The following AAMDC variants were observed in gnomAD, a reference collection of about 807,000 sequenced individuals.
The protein encoded by AAMDC is adipogenesis associated Mth938 domain containing.
AAMDC carries 16 observed loss-of-function variants against 15.5 expected under a neutral mutation model. The ratio of observed to expected loss-of-function variants is 1.03; its 90% CI spans 0.70 to 1.57. AAMDC has a LOEUF of 1.57. AAMDC is among the 40% of genes most tolerant of loss of function. AAMDC has a pLI of 0.00. For synonymous variants in AAMDC, 51 were observed against 51.6 expected, an observed-to-expected ratio of 0.99 and a Z score of 0.05; for missense variants, 141 against 144.9, an observed-to-expected ratio of 0.97 and a Z score of 0.14.
chr11:77,862,541 T>A (rs1950927038), intron 2 of AAMDC, among the ~76,000 whole-genome samples: 1 of 152,190 alleles, frequency 6.6e-6, no homozygotes, highest in East Asian at 1.9e-4. Context: ...GGTTCATTGT[T>A]TACCCCTTTG....
In AAMDC at chr11:77,837,432, G is replaced by A. The variant is rs540136345; in HGVS notation, c.-18-5047G>A. 7.6e-5 allele frequency among the ~76,000 whole-genome samples: 11 copies of A among 145,382 alleles called. 1 individual carries two copies. In the South Asian group the frequency reaches 2.0e-3, roughly 26 times the overall value. Reference sequence around the variant, plus strand: ...ATCACAGATGTAAGCCACTGCGCCCGTCCCTTTGGTTTTTGTTTGTTTGTT... The same window carrying A: ...ATCACAGATGTAAGCCACTGCGCCCATCCCTTTGGTTTTTGTTTGTTTGTT... On this transcript the variant is annotated intron_variant, in intron 1 of 3. Transcript: ENST00000393427.
At chr11:77,832,474 G>A (rs948929083) in intron 1 of AAMDC, among the ~76,000 whole-genome samples, 1 of 151,902 alleles carries the variant, frequency 6.6e-6, no homozygotes, top group Non-Finnish European at 1.5e-5. Flanking sequence ...TTACAGGCAT[G>A]CGCCACCATG....
downstream of AAMDC, among the ~76,000 whole-genome samples, chr11:77,904,158 A>ATC (rs1183867915): frequency 1.3e-4 from 20 of 152,094 alleles, no homozygotes; most frequent in Non-Finnish European, 2.1e-4. Flanking sequence ...TTTACCTTCC[A>ATC]TCTCTCTCCT....
intron 5 of AAMDC, among the ~76,000 whole-genome samples, chr11:77,893,050 G>A (rs1952346157): frequency 6.6e-6 from 1 of 152,160 alleles, no homozygotes; most frequent in Non-Finnish European, 1.5e-5. Flanking sequence ...TGAGGGCAGG[G>A]ACAATGAGCG....
chr11:77,861,579 C>T (rs557232557), intron 2 of AAMDC, among the ~76,000 whole-genome samples: 22 of 152,322 alleles, frequency 1.4e-4, no homozygotes, highest in African/African-American at 3.9e-4. Context: ...AGAGGACCTT[C>T]GTCCCCTGGG....
chr11:77,825,435 G>C (rs1194543677), intron 1 of AAMDC, among the ~76,000 whole-genome samples: 1 of 152,092 alleles, frequency 6.6e-6, no homozygotes, highest in Non-Finnish European at 1.5e-5. Flanking sequence ...AGCTGCGCAC[G>C]GTGGTTCAAA....
intron 2 of AAMDC, among the ~76,000 whole-genome samples, chr11:77,858,302 C>CTTTTTT (rs71473358): frequency 0.011 from 780 of 69,182 alleles, 8 homozygotes; most frequent in African/African-American, 0.02. Context: ...TTAAGCAATT[C>CTTTTTT]TTTTTTTTTT....
chr11:77,859,479 T>C lies in AAMDC; in HGVS notation c.133-10243T>C, dbSNP rs538248355. Among the ~76,000 whole-genome samples the C allele has an allele frequency of 2.6e-5, 4 of 152,336 alleles. No homozygotes were observed. In the East Asian group the frequency reaches 7.7e-4, roughly 29 times the overall value. ...TTCTCTCCATATTGCTGCATGGGCA[T>C]GGAGGACTAGGTAAGCATACTTAGA... On this transcript the variant is annotated intron_variant, in intron 2 of 3. Transcript: ENST00000393427.
intron 1 of AAMDC, among the ~76,000 whole-genome samples, chr11:77,824,891 A>T (rs889678114): frequency 6.6e-6 from 1 of 152,204 alleles, no homozygotes; most frequent in Non-Finnish European, 1.5e-5. Context: ...CCCAATTAGC[A>T]TTGGTACCAG....
chr11:77,894,119 C>A (rs1254286488), intron 5 of AAMDC, among the ~76,000 whole-genome samples: 1 of 151,992 alleles, frequency 6.6e-6, no homozygotes, highest in Non-Finnish European at 1.5e-5. Context: ...GGAAAAAAAC[C>A]AAATTAGGTT....
rs1407985392 is a variant in AAMDC, at chr11:77,879,268, C to T, written c.328+2219C>T. ...TCTACATTCCCTCCCCTTACCCTCA[C>T]CAAACAAAACACTGAGCCTGCAGAT... On this transcript the variant is annotated intron_variant, in intron 5 of 5. Transcript: ENST00000304716. The T allele has an allele frequency of 7.2e-6, 6 of 832,088 alleles. No homozygotes were observed. The African/African-American group carries it at 1.0e-4, about 14-fold the overall frequency. The allele number at this position is 832,088 out of a possible 1,614,324, so 51.5% of individuals were successfully genotyped here. A position where few individuals can be genotyped will look rare whatever the true frequency, so the allele number is the denominator to read the frequency against.
At chr11:77,824,081 G>A (rs145685933) in intron 1 of AAMDC, among the ~76,000 whole-genome samples, 2 of 152,330 alleles carry the variant, frequency 1.3e-5, no homozygotes, top group Admixed American at 6.5e-5. Context: ...CCAAAGATAA[G>A]AAGTGTTTTG....
chr11:77,823,282 T>G (rs1949014800), intron 1 of AAMDC, among the ~76,000 whole-genome samples: 1 of 150,870 alleles, frequency 6.6e-6, no homozygotes, highest in South Asian at 2.1e-4. Flanking sequence ...TTATGAATTA[T>G]CACTGCCAAA....
chr11:77,853,674 C>T (rs1950491710), intron 2 of AAMDC, among the ~76,000 whole-genome samples: 1 of 152,166 alleles, frequency 6.6e-6, no homozygotes, highest in South Asian at 2.1e-4. Context: ...CAGGCAGTGG[C>T]TCACCCCTGT....
At chr11:77,900,758 T>C (rs1952755441), downstream of AAMDC, 2 of 613,242 alleles carry the variant, frequency 3.3e-6, no homozygotes, top group East Asian at 5.5e-5. Flanking sequence ...ATAAAAAATG[T>C]GTATCTTGGA....
chr11:77,892,676 G>A (rs202072995), intron 5 of AAMDC, among the ~76,000 whole-genome samples: 2 of 152,088 alleles, frequency 1.3e-5, no homozygotes, highest in African/African-American at 2.4e-5. Context: ...TCCGCCTCCC[G>A]GGTTCAAGCA....
chr11:77,881,215 T>C (rs1008433108), intron 5 of AAMDC, among the ~76,000 whole-genome samples: 13 of 152,192 alleles, frequency 8.5e-5, no homozygotes, highest in African/African-American at 3.1e-4. Context: ...ATTCTCATCT[T>C]AATGAGACAG....
intron 2 of AAMDC, among the ~76,000 whole-genome samples, chr11:77,861,492 G>T (rs924534509): frequency 1.3e-5 from 2 of 152,166 alleles, no homozygotes; most frequent in Non-Finnish European, 2.9e-5. Context: ...CTCTGTGAGG[G>T]TGATGGCATG....
chr11:77,832,608 G>A (rs1360693543), intron 1 of AAMDC, among the ~76,000 whole-genome samples: 1 of 151,938 alleles, frequency 6.6e-6, no homozygotes, highest in Non-Finnish European at 1.5e-5. Context: ...TTACAGGCAT[G>A]AGCCACCGCG....
Sources: gnomAD v4.1 joint callset for allele counts (sites outside exome capture counted in the v4.1 genomes callset) on GRCh38, gnomAD v4.1.1 for gene constraint, MANE v1.5 for transcripts, NCBI Gene and HGNC (gene_info 2026-07-23, HGNC 2026-07-21) for gene names.